The following SPOCK1 variants were observed in gnomAD, a reference collection of about 807,000 sequenced individuals.
The protein encoded by SPOCK1 is SPARC (osteonectin), cwcv and kazal like domains proteoglycan 1.
SPOCK1 carries 23 observed loss-of-function variants against 55.3 expected under a neutral mutation model. The observed-to-expected ratio is 0.42, with a 90% CI of 0.30 to 0.59. The LOEUF is 0.59. Among genes scored for constraint, SPOCK1 ranks in the 20% least tolerant of loss-of-function variants. The probability of loss-of-function intolerance (pLI) is 0.22; values close to 1 mark genes in which losing one functional copy is unlikely to be tolerated. For synonymous variants in SPOCK1, 226 were observed against 221.0 expected (o/e 1.02, Z -0.20); for missense variants, 499 against 552.5 (o/e 0.90, Z 0.97).
chr5:137,177,560 A>C (rs1018889388), intron 3 of SPOCK1, among the ~76,000 whole-genome samples: 10 of 152,150 alleles, frequency 6.6e-5, no homozygotes, highest in African/African-American at 2.2e-4. Context: ...TACATGCTTC[A>C]GGAAAGGGGC....
Position 137,297,054 on chromosome 5 carries a change from T to A in SPOCK1, c.187-29999A>T, listed in dbSNP as rs867672133. Among the ~76,000 whole-genome samples the A allele has an allele frequency of 5.3e-5, 8 of 152,362 alleles. No homozygotes were observed. In the South Asian group the frequency reaches 1.0e-3, roughly 20 times the overall value. On this transcript the variant is annotated intron_variant, in intron 2 of 10. Coordinates refer to ENST00000394945, the MANE Select transcript of SPOCK1 (RefSeq NM_004598.4). ...CATACACATGCAATAGATACATATG[T>A]GTATATGTATATAAACATAATATGT...
chr5:137,498,599 G>A, intron 1 of SPOCK1, 41 bp from the exon 2 acceptor site: 1 of 1,282,442 alleles, frequency 7.8e-7, no homozygotes, highest in Non-Finnish European at 9.8e-7. Context: ...GAAGAGGGCG[G>A]GCGGCCGCGA....
chr5:137,498,199 A>G (rs1222200337), intron 2 of SPOCK1, among the ~76,000 whole-genome samples, 174 bp downstream of exon 2: 1 of 151,662 alleles, frequency 6.6e-6, no homozygotes, highest in African/African-American at 2.4e-5. Flanking sequence ...CCTTTCAGGC[A>G]AGACCGCACC....
intron 3 of SPOCK1, among the ~76,000 whole-genome samples, chr5:137,172,214 T>C (rs1036373946): frequency 6.6e-6 from 1 of 152,206 alleles, no homozygotes; most frequent in Non-Finnish European, 1.5e-5. Flanking sequence ...AGAATGGTTC[T>C]CAAGCTTAAC....
chr5:137,172,844 G>A (rs1754779362), intron 3 of SPOCK1, among the ~76,000 whole-genome samples: 1 of 152,102 alleles, frequency 6.6e-6, no homozygotes, highest in Non-Finnish European at 1.5e-5. Context: ...TTATAACCCA[G>A]GGTCCCTGCC....
intron 5 of SPOCK1, among the ~76,000 whole-genome samples, chr5:137,078,990 C>T (rs1367129625): frequency 6.6e-6 from 1 of 152,198 alleles, no homozygotes; most frequent in East Asian, 1.9e-4. Context: ...TTATGTCTCT[C>T]CAAACACATG....
chr5:137,288,250 T>C (rs1241945725), intron 2 of SPOCK1, among the ~76,000 whole-genome samples: 2 of 152,228 alleles, frequency 1.3e-5, no homozygotes, highest in African/African-American at 4.8e-5. Context: ...TGCACACTGC[T>C]ACTGACTTTT....
intron 2 of SPOCK1, among the ~76,000 whole-genome samples, chr5:137,338,020 T>C (rs1013548222): frequency 1.3e-5 from 2 of 152,112 alleles, no homozygotes; most frequent in Admixed American, 6.5e-5. Flanking sequence ...CTCTGTATTA[T>C]TTTTTTATTA....
rs1025557270 is a variant in SPOCK1 at position 136,975,828 on chromosome 5, A to G, written c.*2826T>C. 3 of 152,228 alleles carry G rather than the reference A, an allele frequency of 2.0e-5. No homozygotes were observed. The highest frequency in any genetic ancestry group is 6.5e-5 in the Admixed American group (1 of 15,282). 9.4% of individuals were successfully genotyped at this position (152,228 alleles called of 1,614,324 possible). On this transcript the variant is annotated 3_prime_UTR_variant, in exon 11 of 11. Transcript: ENST00000394945. ...GAATACATTCATATGGCAAATAACT[A>G]ACCATGGTGGAACAAAATTCTGGGA...
chr5:137,437,104 TA>T (rs1291223936), intron 2 of SPOCK1, among the ~76,000 whole-genome samples: 1 of 152,152 alleles, frequency 6.6e-6, no homozygotes, highest in African/African-American at 2.4e-5. Flanking sequence ...TTTCAAAGAA[TA>T]AAAAATCATC....
intron 2 of SPOCK1, among the ~76,000 whole-genome samples, chr5:137,460,341 G>A (rs1451548049): frequency 1.3e-5 from 2 of 152,122 alleles, no homozygotes; most frequent in African/African-American, 4.8e-5. Context: ...CTTCACTGCA[G>A]GGGAGTAAGC....
At chr5:137,409,744 G>C (rs904800704) in intron 2 of SPOCK1, among the ~76,000 whole-genome samples, 10 of 152,142 alleles carry the variant, frequency 6.6e-5, no homozygotes, top group Admixed American at 3.3e-4. Flanking sequence ...TTTTGGTTTT[G>C]ACTTTCCTAT....
intron 2 of SPOCK1, 72 bp downstream of exon 2, chr5:137,498,301 C>CACAA: frequency 7.1e-7 from 1 of 1,402,094 alleles, no homozygotes; most frequent in African/African-American, 1.5e-5. Context: ...CACACACACA[C>CACAA]CCCAACCCCG....
At chr5:137,010,058 C>CCT (rs1751322532) in intron 6 of SPOCK1, among the ~76,000 whole-genome samples, 2 of 152,032 alleles carry the variant, frequency 1.3e-5, no homozygotes, top group Admixed American at 1.3e-4. Flanking sequence ...GTCTACCTCC[C>CCT]CCTCCTTGGG....
At chr5:137,094,529 CT>C (rs1394151934) in intron 5 of SPOCK1, among the ~76,000 whole-genome samples, 2 of 152,144 alleles carry the variant, frequency 1.3e-5, no homozygotes, top group Non-Finnish European at 2.9e-5. Flanking sequence ...TGCAATAGCA[CT>C]AGGTCTAAAA....
At chr5:137,301,278 G>A (rs1001279468) in intron 2 of SPOCK1, among the ~76,000 whole-genome samples, 3 of 152,204 alleles carry the variant, frequency 2.0e-5, no homozygotes, top group African/African-American at 7.2e-5. Flanking sequence ...GCAGATCCCA[G>A]TAGATGCCTG....
chr5:137,008,692 G>A (rs79979945), intron 6 of SPOCK1, among the ~76,000 whole-genome samples: 1 of 152,110 alleles, frequency 6.6e-6, no homozygotes, highest in Non-Finnish European at 1.5e-5. Flanking sequence ...GGGGAAGGGA[G>A]GAAGAAGATG....
At chr5:137,170,344 T>C (rs920169266) in intron 3 of SPOCK1, among the ~76,000 whole-genome samples, 1 of 152,182 alleles carries the variant, frequency 6.6e-6, no homozygotes, top group Non-Finnish European at 1.5e-5. Flanking sequence ...CCTATGGTGT[T>C]CCAGGCACTG....
At chr5:137,228,609 C>T (rs1755993053) in intron 3 of SPOCK1, among the ~76,000 whole-genome samples, 1 of 152,148 alleles carries the variant, frequency 6.6e-6, no homozygotes, top group South Asian at 2.1e-4. Context: ...GGCCACTGCA[C>T]ACTAGCCTGG....
Sources: allele counts gnomAD v4.1 joint callset (sites outside exome capture counted in the v4.1 genomes callset), GRCh38; gene constraint gnomAD v4.1.1; transcripts MANE v1.5; gene names NCBI Gene and HGNC (gene_info 2026-07-23, HGNC 2026-07-21).